Variants in EPB41L4B observed in about 807,000 individuals in gnomAD.
The protein encoded by EPB41L4B is erythrocyte membrane protein band 4.1 like 4B, also known as band 4.1-like protein 4B.
Under a neutral mutation model 112.5 loss-of-function variants are expected in EPB41L4B, and 30 were observed. The ratio of observed to expected loss-of-function variants is 0.27; its 90% CI spans 0.20 to 0.36. The LOEUF (loss-of-function observed/expected upper bound fraction) is 0.36, where lower values mean the gene tolerates loss of function less well. Ranked by LOEUF, EPB41L4B falls within the 10% of genes least tolerant of loss-of-function variation. The pLI, the probability that EPB41L4B is intolerant of heterozygous loss-of-function variation, is 1.00. For synonymous variants in EPB41L4B, 408 were observed against 439.7 expected, an observed-to-expected ratio of 0.93 and a Z score of 0.90; for missense variants, 1,024 against 1,133.3, an observed-to-expected ratio of 0.90 and a Z score of 1.38.
chr9:109,227,950 A>G (rs773281367), intron 15 of EPB41L4B, among the ~76,000 whole-genome samples: 2 of 152,166 alleles, frequency 1.3e-5, no homozygotes, highest in Non-Finnish European at 2.9e-5. Context: ...TCTGCCTCTG[A>G]CCACTTTGCA....
chr9:109,312,907 C>A (rs987042595), intron 1 of EPB41L4B, among the ~76,000 whole-genome samples: 21 of 152,124 alleles, frequency 1.4e-4, no homozygotes, highest in Non-Finnish European at 4.4e-5. Flanking sequence ...AACTCCTACA[C>A]ATCCTTTGGG....
intron 5 of EPB41L4B, among the ~76,000 whole-genome samples, chr9:109,264,105 A>G (rs1005081872): frequency 2.6e-5 from 4 of 152,036 alleles, no homozygotes; most frequent in Non-Finnish European, 5.9e-5. Flanking sequence ...ACACACACCA[A>G]CCAAAGGTCT....
chr9:109,242,102 A>G (rs1482109514), intron 15 of EPB41L4B, among the ~76,000 whole-genome samples: 1 of 152,218 alleles, frequency 6.6e-6, no homozygotes, highest in African/African-American at 2.4e-5. Context: ...AAGGTGGAAA[A>G]TGTTCCATTA....
At chr9:109,269,171 C>T (rs189613982) in intron 2 of EPB41L4B, among the ~76,000 whole-genome samples, 3 of 152,272 alleles carry the variant, frequency 2.0e-5, no homozygotes, top group Admixed American at 2.0e-4. Context: ...TTGAGGTTGT[C>T]GTCCTAAACT....
chr9:109,253,240 T>A (rs947442800), intron 12 of EPB41L4B, among the ~76,000 whole-genome samples: 1 of 152,106 alleles, frequency 6.6e-6, no homozygotes, highest in Non-Finnish European at 1.5e-5. Flanking sequence ...AATGAACACA[T>A]CCACGGCAAA....
intron 13 of EPB41L4B, among the ~76,000 whole-genome samples, chr9:109,248,397 A>G (rs1260053691): frequency 1.3e-5 from 2 of 152,226 alleles, no homozygotes; most frequent in African/African-American, 2.4e-5. Context: ...TGAGGTCAAC[A>G]AATGTGACCA....
At position 109,277,043 on chromosome 9, in the gene EPB41L4B, G is replaced by A. The variant is rs111714922; in HGVS notation, c.411+2774C>T. 7.9e-5 allele frequency among the ~76,000 whole-genome samples: 12 copies of A among 152,282 alleles called. 1 individual carries two copies. The highest frequency in any genetic ancestry group is 2.9e-4 in the African/African-American group (12 of 41,564). On this transcript the variant is annotated intron_variant, in intron 2 of 25. Transcript: ENST00000374566. ...GCAGCCTATCTAAAGCCTACCAAAT[G>A]AGTCAGAGGCAGAGCCAGGAACAAG...
chr9:109,240,674 A>T (rs1175452581), intron 15 of EPB41L4B: 4 of 985,166 alleles, frequency 4.1e-6, no homozygotes, highest in Non-Finnish European at 4.8e-6. Flanking sequence ...CAACCATCTC[A>T]TCCTACTCTA....
At chr9:109,231,157 CAA>C (rs57118508) in intron 15 of EPB41L4B, among the ~76,000 whole-genome samples, 20 of 82,934 alleles carry the variant, frequency 2.4e-4, no homozygotes, top group Admixed American at 1.5e-4. Context: ...AACTCCATCT[CAA>C]AAAAAAAAAA....
intron 1 of EPB41L4B, among the ~76,000 whole-genome samples, chr9:109,296,208 G>C (rs949816780): frequency 6.6e-6 from 1 of 152,236 alleles, no homozygotes; most frequent in African/African-American, 2.4e-5. Flanking sequence ...ACTTAGGAAT[G>C]TGAGAACATT....
At chr9:109,300,611 C>T (rs917789813) in intron 1 of EPB41L4B, 1 of 152,008 alleles carries the variant, frequency 6.6e-6, no homozygotes, top group Non-Finnish European at 1.5e-5. Context: ...CGTGGGGAAA[C>T]CCTGTCCCTA....
intron 2 of EPB41L4B, among the ~76,000 whole-genome samples, chr9:109,269,859 T>C (rs1835548276): frequency 6.6e-6 from 1 of 152,124 alleles, no homozygotes; most frequent in Non-Finnish European, 1.5e-5. Context: ...CAGGACAGTG[T>C]ACTCCACACC....
chr9:109,221,992 T>C (rs1027855685), intron 15 of EPB41L4B, among the ~76,000 whole-genome samples: 9 of 152,116 alleles, frequency 5.9e-5, no homozygotes, highest in African/African-American at 1.9e-4. Context: ...ATTATTGATG[T>C]CTGCCATGGA....
chr9:109,305,011 T>C (rs2119235851), intron 1 of EPB41L4B, among the ~76,000 whole-genome samples: 1 of 152,222 alleles, frequency 6.6e-6, no homozygotes, highest in Non-Finnish European at 1.5e-5. Context: ...TGGTCGATTT[T>C]GTGTCACGTA....
At chr9:109,317,572 A>G (rs909791732) in intron 1 of EPB41L4B, among the ~76,000 whole-genome samples, 9 of 152,354 alleles carry the variant, frequency 5.9e-5, no homozygotes, top group African/African-American at 1.4e-4. Flanking sequence ...GAACACAAGC[A>G]TCCTAACTAG....
At chr9:109,275,601 C>G (rs1257220785) in intron 2 of EPB41L4B, among the ~76,000 whole-genome samples, 1 of 152,172 alleles carries the variant, frequency 6.6e-6, no homozygotes, top group Admixed American at 6.5e-5. Flanking sequence ...TCCGGTCCCC[C>G]CTCACACTGC....
intron 1 of EPB41L4B, among the ~76,000 whole-genome samples, chr9:109,293,736 G>GTT (rs1342124922): frequency 6.7e-6 from 1 of 148,962 alleles, no homozygotes; most frequent in Non-Finnish European, 1.5e-5. Flanking sequence ...ACTAAAAACT[G>GTT]TTTTTTGAAG....
chr9:109,280,370 C>T (rs1216776960), intron 1 of EPB41L4B, among the ~76,000 whole-genome samples: 1 of 152,180 alleles, frequency 6.6e-6, no homozygotes, highest in Non-Finnish European at 1.5e-5. Flanking sequence ...AAGTAGGTAA[C>T]GAAGTCTCAG....
chr9:109,317,378 C>T (rs1024511657), intron 1 of EPB41L4B, among the ~76,000 whole-genome samples: 2 of 152,152 alleles, frequency 1.3e-5, no homozygotes, highest in African/African-American at 4.8e-5. Context: ...TAGCATCACC[C>T]AGAATAAAAG....
Sources: allele counts gnomAD v4.1 joint callset (sites outside exome capture counted in the v4.1 genomes callset), GRCh38; gene constraint gnomAD v4.1.1; transcripts MANE v1.5; gene names NCBI Gene and HGNC (gene_info 2026-07-23, HGNC 2026-07-21).